Variants in FHIT observed in about 807,000 individuals in gnomAD.
FHIT encodes the protein fragile histidine triad diadenosine triphosphatase, also known as bis(5'-adenosyl)-triphosphatase.
Under a neutral mutation model 17.9 loss-of-function variants are expected in FHIT, and 19 were observed. The ratio of observed to expected loss-of-function variants is 1.06; its 90% CI spans 0.74 to 1.56. FHIT has a LOEUF of 1.56. FHIT is among the 40% of genes most tolerant of loss of function. The pLI, the probability that FHIT is intolerant of heterozygous loss-of-function variation, is 0.00. For missense variants in FHIT, 248 were observed against 189.2 expected, an observed-to-expected ratio of 1.31 and a Z score of -1.82; for synonymous variants, 81 against 69.7, an observed-to-expected ratio of 1.16 and a Z score of -0.81.
intron 4 of FHIT, among the ~76,000 whole-genome samples, chr3:60,614,696 G>C (rs1411750962): frequency 9.9e-5 from 15 of 151,740 alleles, no homozygotes; most frequent in Admixed American, 8.5e-4. Flanking sequence ...TGACAGCATA[G>C]AAATTATTTA....
chr3:60,532,374 C>A (rs2035817660), intron 5 of FHIT, among the ~76,000 whole-genome samples: 1 of 152,112 alleles, frequency 6.6e-6, no homozygotes, highest in African/African-American at 2.4e-5. Context: ...CATTTTCATG[C>A]TCAACTCAAG....
intron 3 of FHIT, among the ~76,000 whole-genome samples, chr3:60,926,589 C>G (rs1277081863): frequency 2.0e-5 from 3 of 152,040 alleles, no homozygotes; most frequent in Non-Finnish European, 2.9e-5. Context: ...CACTAAATGC[C>G]CACAAGAGAA....
At chr3:60,572,200 G>T (rs1487430571) in intron 4 of FHIT, among the ~76,000 whole-genome samples, 2 of 152,004 alleles carry the variant, frequency 1.3e-5, no homozygotes, top group African/African-American at 4.8e-5. Context: ...CAATATCAAG[G>T]CAGTACAGAC....
chr3:60,796,892 T>C (rs902331631), intron 4 of FHIT, among the ~76,000 whole-genome samples: 2 of 152,216 alleles, frequency 1.3e-5, no homozygotes, highest in African/African-American at 2.4e-5. Context: ...TTGATAAAAC[T>C]GATTTCTAAT....
Position 60,536,957 on chromosome 3 carries a change from C to A in FHIT, c.6G>T (p.Ser2=), listed in dbSNP as rs137953369. 4.0e-3 allele frequency: 6,371 copies of A among 1,608,544 alleles called. 72 individuals are homozygous for A. The highest frequency in any genetic ancestry group is 3.0e-3 in the Non-Finnish European group (3,503 of 1,177,810). M[S]FRFGQHLIKP... The stretch of plus-strand genomic sequence containing the variant: ...TGATGAGATGTTGGCCAAATCTGAA[C>A]GACATGTCCTCACAGTTGAAGTCTA... Residue 2 remains serine, a synonymous_variant, in exon 5 of 10, where the codon TCG becomes TCT. Coordinates refer to ENST00000492590, the MANE Select transcript of FHIT (RefSeq NM_002012.4).
chr3:60,566,973 T>G (rs1233226526), intron 4 of FHIT, among the ~76,000 whole-genome samples: 1 of 139,446 alleles, frequency 7.2e-6, no homozygotes, highest in Non-Finnish European at 1.5e-5. Flanking sequence ...TACAAACAAA[T>G]GGAAGAACAT....
chr3:60,207,226 G>C lies in FHIT; in HGVS notation c.104-193074C>G, dbSNP rs558062490. ...CATCCAGAAAAAAAGAGGGGAAAAAGTCAATATAAAAATTTAGAAATTAGA... is the reference window on the plus strand; with the variant it reads ...CATCCAGAAAAAAAGAGGGGAAAAACTCAATATAAAAATTTAGAAATTAGA... On this transcript the variant is annotated intron_variant, in intron 5 of 9. Coordinates refer to ENST00000492590, the MANE Select transcript of FHIT (RefSeq NM_002012.4). Among the ~76,000 whole-genome samples the C allele has an allele frequency of 2.3e-3, 343 of 151,984 alleles. 1 individual carries two copies. The highest frequency in any genetic ancestry group is 7.9e-3 in the African/African-American group (329 of 41,462).
At chr3:60,006,048 A>G (rs1166087295) in intron 7 of FHIT, among the ~76,000 whole-genome samples, 3 of 152,132 alleles carry the variant, frequency 2.0e-5, no homozygotes, top group African/African-American at 4.8e-5. Flanking sequence ...CCGAGTCAGC[A>G]AAGCATGGGG....
At chr3:60,073,410 C>A (rs1702867422) in intron 5 of FHIT, among the ~76,000 whole-genome samples, 2 of 152,136 alleles carry the variant, frequency 1.3e-5, no homozygotes, top group South Asian at 4.1e-4. Context: ...GTATCTATCA[C>A]CTATTACTCA....
chr3:61,008,904 T>C (rs570251144), intron 3 of FHIT, among the ~76,000 whole-genome samples: 1 of 152,284 alleles, frequency 6.6e-6, no homozygotes, highest in Admixed American at 6.5e-5. Context: ...GCTTTTTGTG[T>C]GTGTGTGTGT....
intron 7 of FHIT, among the ~76,000 whole-genome samples, chr3:59,958,465 C>T (rs1707511216): frequency 6.6e-6 from 1 of 152,182 alleles, no homozygotes; most frequent in African/African-American, 2.4e-5. Flanking sequence ...AACTCTCCAT[C>T]TTACAGACTG....
intron 5 of FHIT, among the ~76,000 whole-genome samples, chr3:60,055,806 G>A (rs570919026): frequency 2.0e-4 from 31 of 152,240 alleles, no homozygotes; most frequent in African/African-American, 7.2e-4. Flanking sequence ...AGGCTAACTC[G>A]GAGCTGATGC....
chr3:60,195,769 T>C (rs1022252264), intron 5 of FHIT, among the ~76,000 whole-genome samples: 1 of 148,866 alleles, frequency 6.7e-6, no homozygotes. Context: ...GTGACGTAAC[T>C]CAGGAAAGAA....
chr3:60,261,056 T>G (rs1310584626), intron 5 of FHIT, among the ~76,000 whole-genome samples: 1 of 152,066 alleles, frequency 6.6e-6, no homozygotes, highest in African/African-American at 2.4e-5. Flanking sequence ...CAGCATCTAA[T>G]CAAGAAATAA....
At chr3:60,627,758 G>C (rs1310211086) in intron 4 of FHIT, among the ~76,000 whole-genome samples, 2 of 152,164 alleles carry the variant, frequency 1.3e-5, no homozygotes, top group Non-Finnish European at 2.9e-5. Context: ...TCCTGACCAC[G>C]TGATCCGCCC....
intron 5 of FHIT, among the ~76,000 whole-genome samples, chr3:60,337,955 G>A (rs1710323839): frequency 6.6e-6 from 1 of 152,092 alleles, no homozygotes; most frequent in Admixed American, 6.6e-5. Flanking sequence ...TATCAAGCCT[G>A]GGCATTTTTA....
chr3:60,729,230 A>G (rs908363707), intron 4 of FHIT, among the ~76,000 whole-genome samples: 2 of 152,208 alleles, frequency 1.3e-5, no homozygotes, highest in Admixed American at 6.5e-5. Flanking sequence ...TTCCAATTAC[A>G]TGAATGCATA....
chr3:61,086,525 A>G (rs966557801), intron 2 of FHIT, among the ~76,000 whole-genome samples: 15 of 152,096 alleles, frequency 9.9e-5, no homozygotes, highest in Non-Finnish European at 2.1e-4. Context: ...GCTGCTTTCT[A>G]TTGGACTTTT....
intron 5 of FHIT, among the ~76,000 whole-genome samples, chr3:60,062,973 G>A (rs760941673): frequency 6.6e-6 from 1 of 152,114 alleles, no homozygotes; most frequent in Non-Finnish European, 1.5e-5. Flanking sequence ...GTCAACTGAG[G>A]AGCAAGAAAT....
Sources: allele counts gnomAD v4.1 joint callset (sites outside exome capture counted in the v4.1 genomes callset), GRCh38; gene constraint gnomAD v4.1.1; transcripts MANE v1.5; gene names NCBI Gene and HGNC (gene_info 2026-07-23, HGNC 2026-07-21).